The following PTPRM variants were observed in gnomAD, a reference collection of about 807,000 sequenced individuals.
PTPRM encodes the protein protein tyrosine phosphatase receptor type M, also known as receptor-type tyrosine-protein phosphatase mu.
A neutral mutation model predicts 186.7 loss-of-function variants in PTPRM; 47 were observed. The observed-to-expected ratio is 0.25, with a 90% CI of 0.20 to 0.32. PTPRM has a LOEUF of 0.32. Ranked by LOEUF, PTPRM falls within the 10% of genes least tolerant of loss-of-function variation. The pLI is 1.00. For synonymous variants in PTPRM, 668 were observed against 674.9 expected (o/e 0.99, Z 0.16); for missense variants, 1,494 against 1,865.0 (o/e 0.80, Z 3.66).
At chr18:8,403,889 G>A (rs2095886581) in intron 32 of PTPRM, 1 of 152,148 alleles carries the variant, frequency 6.6e-6, no homozygotes, top group African/African-American at 2.4e-5. Flanking sequence ...GTTGTAACAT[G>A]GATTAGTACT....
At chr18:7,770,879 A>G (rs1382979411) in intron 1 of PTPRM, among the ~76,000 whole-genome samples, 1 of 152,176 alleles carries the variant, frequency 6.6e-6, no homozygotes, top group Admixed American at 6.5e-5. Flanking sequence ...GGATCTGAAA[A>G]TTGGTGTGCA....
chr18:7,652,646 C>T (rs566525464), intron 1 of PTPRM, among the ~76,000 whole-genome samples: 2,113 of 150,774 alleles, frequency 0.014, 16 homozygotes, highest in Middle Eastern at 0.028. Context: ...AGTAAACTAT[C>T]GCAAGAACAA....
intron 13 of PTPRM, among the ~76,000 whole-genome samples, chr18:8,124,636 A>G (rs184992133): frequency 6.6e-6 from 1 of 152,328 alleles, no homozygotes; most frequent in Admixed American, 6.5e-5. Flanking sequence ...CTAAGAAAAG[A>G]CAGCAGTTTT....
chr18:7,746,232 T>C (rs1308621733), intron 1 of PTPRM, among the ~76,000 whole-genome samples: 1 of 117,896 alleles, frequency 8.5e-6, no homozygotes, highest in Non-Finnish European at 1.8e-5. Context: ...GAGAAAATGC[T>C]AGAACAGCCA....
chr18:8,138,379 C>G (rs2092687042), intron 13 of PTPRM, among the ~76,000 whole-genome samples: 1 of 152,156 alleles, frequency 6.6e-6, no homozygotes, highest in Non-Finnish European at 1.5e-5. Context: ...TCTCTCACGC[C>G]TTAGCCCCCT....
chr18:7,575,267 G>C (rs1761240104), intron 1 of PTPRM, among the ~76,000 whole-genome samples: 1 of 152,170 alleles, frequency 6.6e-6, no homozygotes, highest in African/African-American at 2.4e-5. Flanking sequence ...CCCTGCTGCC[G>C]GTTGCTCCTG....
chr18:8,212,449 AC>A (rs1239636709), intron 14 of PTPRM, among the ~76,000 whole-genome samples: 1 of 151,958 alleles, frequency 6.6e-6, no homozygotes, highest in Non-Finnish European at 1.5e-5. Context: ...GTGTGTGTAT[AC>A]ACACACACAC....
chr18:8,346,093 A>G (rs1292867138), intron 23 of PTPRM, among the ~76,000 whole-genome samples: 1 of 152,244 alleles, frequency 6.6e-6, no homozygotes, highest in Non-Finnish European at 1.5e-5. Context: ...GCCGGGAGCC[A>G]GCATGGGAGT....
intron 31 of PTPRM, among the ~76,000 whole-genome samples, chr18:8,388,805 C>T (rs1240718032): frequency 6.6e-6 from 1 of 152,056 alleles, no homozygotes; most frequent in African/African-American, 2.4e-5. Context: ...ACTAAAAACA[C>T]AAAAAATTAG....
chr18:7,881,699 C>T lies in PTPRM; in HGVS notation c.197-6407C>T, dbSNP rs371578801. On this transcript the variant is annotated intron_variant, in intron 2 of 32. Coordinates refer to ENST00000580170, the MANE Select transcript of PTPRM (RefSeq NM_001105244.2). ...AGGCACTGGTGGCCCATTTTGTTCCCGTACCCTCTTCCCTTCTCCTTAAGA... is the reference window on the plus strand; with the variant it reads ...AGGCACTGGTGGCCCATTTTGTTCCTGTACCCTCTTCCCTTCTCCTTAAGA... Among the ~76,000 whole-genome samples, 10 of 152,198 alleles carry T rather than the reference C, an allele frequency of 6.6e-5. No homozygotes were observed. In the East Asian group the frequency reaches 1.9e-3, roughly 30 times the overall value.
rs113068568 is a variant in PTPRM, at chr18:8,237,053, A to G, written c.2301-7005A>G. On this transcript the variant is annotated intron_variant, in intron 14 of 32. Coordinates refer to ENST00000580170, the MANE Select transcript of PTPRM (RefSeq NM_001105244.2). ...TGTTACTTTTTTCAGTGGTTGCCCT[A>G]GAGTTCACATATGTTTACAGCTAGT... 4.3e-3 allele frequency among the ~76,000 whole-genome samples: 656 copies of G among 152,174 alleles called. 3 individuals carry two copies. Among genetic ancestry groups the G allele is most frequent in the African/African-American group, 0.015 (617 of 41,530 alleles).
At chr18:8,214,903 T>C (rs2094058694) in intron 14 of PTPRM, among the ~76,000 whole-genome samples, 1 of 152,210 alleles carries the variant, frequency 6.6e-6, no homozygotes, top group Non-Finnish European at 1.5e-5. Flanking sequence ...CCTCAAGTGA[T>C]CTGCCCCCTT....
intron 13 of PTPRM, among the ~76,000 whole-genome samples, chr18:8,133,702 G>A (rs1030033303): frequency 5.3e-5 from 8 of 152,130 alleles, no homozygotes; most frequent in South Asian, 2.1e-4. Context: ...GGGCATTTCC[G>A]TTTGGTGTAT....
At chr18:8,117,046 T>C (rs936666885) in intron 13 of PTPRM, among the ~76,000 whole-genome samples, 1 of 152,220 alleles carries the variant, frequency 6.6e-6, no homozygotes, top group Non-Finnish European at 1.5e-5. Context: ...TTTGTGCTAT[T>C]TTATTAAGTT....
At chr18:8,145,747 G>T (rs2092868898) in intron 14 of PTPRM, among the ~76,000 whole-genome samples, 1 of 152,128 alleles carries the variant, frequency 6.6e-6, no homozygotes, top group South Asian at 2.1e-4. Context: ...GGTCATTTAG[G>T]TTGGTTCCAA....
chr18:7,640,312 G>T (rs2038415779), intron 1 of PTPRM, among the ~76,000 whole-genome samples: 1 of 152,034 alleles, frequency 6.6e-6, no homozygotes, highest in South Asian at 2.1e-4. Flanking sequence ...CAAATTATCT[G>T]ATAGTTATAT....
intron 1 of PTPRM, among the ~76,000 whole-genome samples, chr18:7,725,607 G>C (rs2040532049): frequency 6.8e-6 from 1 of 146,018 alleles, no homozygotes; most frequent in African/African-American, 2.8e-5. Flanking sequence ...GGGAGAAGCA[G>C]CTGGACATCG....
intron 4 of PTPRM, among the ~76,000 whole-genome samples, chr18:7,917,409 G>A (rs756465732): frequency 5.9e-5 from 9 of 152,092 alleles, no homozygotes; most frequent in African/African-American, 4.8e-5. Context: ...GGTGGCAGGC[G>A]CCTGTAGTCC....
chr18:8,305,387 T>C (rs1051833433), intron 20 of PTPRM, among the ~76,000 whole-genome samples: 1 of 151,872 alleles, frequency 6.6e-6, no homozygotes, highest in African/African-American at 2.4e-5. Context: ...AAGTGATAGC[T>C]AACTTTCCCT....
Sources: gnomAD v4.1 joint callset for allele counts (sites outside exome capture counted in the v4.1 genomes callset) on GRCh38, gnomAD v4.1.1 for gene constraint, MANE v1.5 for transcripts, NCBI Gene and HGNC (gene_info 2026-07-23, HGNC 2026-07-21) for gene names.